Variants in IL34 observed in about 807,000 individuals in gnomAD.
IL34 encodes the protein interleukin 34.
Under a neutral mutation model 25.3 loss-of-function variants are expected in IL34, and 17 were observed. The observed-to-expected ratio is 0.67, with a 90% confidence interval of 0.46 to 1.01. The LOEUF is 1.01. IL34 is among the 50% of genes least tolerant of loss of function. The probability of loss-of-function intolerance (pLI) is 0.00; values close to 1 mark genes in which losing one functional copy is unlikely to be tolerated. For synonymous variants in IL34, 174 were observed against 140.9 expected (o/e 1.23, Z -1.66); for missense variants, 368 against 312.9 (o/e 1.18, Z -1.33).
At chr16:70,641,051 C>T (rs2051770255) in intron 1 of IL34, among the ~76,000 whole-genome samples, 1 of 152,112 alleles carries the variant, frequency 6.6e-6, no homozygotes, top group Non-Finnish European at 1.5e-5. Flanking sequence ...GCAGGCAGAT[C>T]ACTTGAGGTC....
At position 70,659,925 on chromosome 16, in the gene IL34, C is replaced by T. The variant is rs112385962; in HGVS notation, c.539-72C>T. 7,960 of 1,489,308 alleles carry T rather than the reference C, an allele frequency of 5.3e-3. 73 individuals are homozygous for T. Among genetic ancestry groups the T allele is most frequent in the African/African-American group, 0.037 (2,652 of 70,954 alleles). 92.3% of individuals were successfully genotyped at this position (1,489,308 alleles called of 1,614,324 possible). A position where few individuals can be genotyped will look rare whatever the true frequency, so the allele number is the denominator to read the frequency against. ...GGGTAGAGTGGGGGACAAGCACATG[C>T]GGCTTGGCTTAGTGGGGAGGGTGGT... is the stretch of plus-strand genomic sequence containing the variant. On this transcript the variant is annotated intron_variant, in intron 5 of 5. Coordinates refer to ENST00000288098, the MANE Select transcript of IL34 (RefSeq NM_001393494.1).
At chr16:70,637,914 C>T (rs1414857948) in intron 1 of IL34, among the ~76,000 whole-genome samples, 5 of 152,150 alleles carry the variant, frequency 3.3e-5, no homozygotes, top group Non-Finnish European at 5.9e-5. Flanking sequence ...TTGCTAACTG[C>T]TTTTCTGTGG....
At chr16:70,584,510 G>A (rs1474555721) in intron 1 of IL34, among the ~76,000 whole-genome samples, 3 of 152,178 alleles carry the variant, frequency 2.0e-5, no homozygotes, top group African/African-American at 4.8e-5. Flanking sequence ...AAAAGTCAGC[G>A]CTCTGCTGCA....
intron 1 of IL34, among the ~76,000 whole-genome samples, chr16:70,614,943 G>A (rs1045064539): frequency 6.6e-6 from 1 of 152,130 alleles, no homozygotes; most frequent in Non-Finnish European, 1.5e-5. Flanking sequence ...AAACTCATAC[G>A]GTTTCAACAT....
intron 1 of IL34, 28 bp from the exon 2 acceptor site, chr16:70,654,510 A>T: frequency 6.3e-7 from 1 of 1,587,128 alleles, no homozygotes; most frequent in Non-Finnish European, 8.6e-7. Context: ...GAGGGTGCTC[A>T]TGTGCTCTTG....
intron 4 of IL34, among the ~76,000 whole-genome samples, chr16:70,658,844 G>A (rs2052304261): frequency 6.6e-6 from 1 of 152,182 alleles, no homozygotes; most frequent in South Asian, 2.1e-4. Context: ...TCAGGCATTG[G>A]ATTTAGGGCC....
intron 1 of IL34, among the ~76,000 whole-genome samples, chr16:70,621,053 G>T (rs1205664406): frequency 1.3e-5 from 2 of 152,090 alleles, no homozygotes; most frequent in African/African-American, 4.8e-5. Flanking sequence ...ATAAGAGTTT[G>T]GGTGTGGAAA....
At chr16:70,636,609 ACACACAC>A (rs2051653134) in intron 1 of IL34, among the ~76,000 whole-genome samples, 1 of 151,272 alleles carries the variant, frequency 6.6e-6, no homozygotes, top group African/African-American at 2.4e-5. Context: ...ACACACACAC[ACACACAC>A]ACACACACAC....
intron 1 of IL34, among the ~76,000 whole-genome samples, chr16:70,626,030 A>G: frequency 6.6e-6 from 1 of 152,202 alleles, no homozygotes; most frequent in East Asian, 1.9e-4. Flanking sequence ...CGCGTCCATG[A>G]GAAGAGACCA....
At chr16:70,595,085 G>T (rs565665096) in intron 1 of IL34, among the ~76,000 whole-genome samples, 1 of 151,892 alleles carries the variant, frequency 6.6e-6, no homozygotes, top group African/African-American at 2.4e-5. Context: ...CTCCCAAGTA[G>T]CTGGGGTAAC....
At chr16:70,627,594 A>T (rs1433961662) in intron 1 of IL34, among the ~76,000 whole-genome samples, 1 of 151,782 alleles carries the variant, frequency 6.6e-6, no homozygotes, top group Non-Finnish European at 1.5e-5. Flanking sequence ...CAGTCCTCCC[A>T]AGTAGCTGGG....
intron 1 of IL34, among the ~76,000 whole-genome samples, chr16:70,650,169 C>T (rs2052043671): frequency 6.6e-6 from 1 of 152,156 alleles, no homozygotes; most frequent in Non-Finnish European, 1.5e-5. Context: ...TCAGGGGTGG[C>T]ACTGGCTGTG....
At chr16:70,588,691 G>A (rs559501416) in intron 1 of IL34, among the ~76,000 whole-genome samples, 9 of 152,254 alleles carry the variant, frequency 5.9e-5, no homozygotes, top group South Asian at 2.1e-4. Context: ...AAAATGTGCC[G>A]TAAATATACA....
At chr16:70,582,778 A>T (rs1243760944) in intron 1 of IL34, among the ~76,000 whole-genome samples, 1 of 152,226 alleles carries the variant, frequency 6.6e-6, no homozygotes, top group Non-Finnish European at 1.5e-5. Context: ...CATGCACAAG[A>T]TGCCTCTCTG....
chr16:70,626,681 C>T (rs2051401336), intron 1 of IL34, among the ~76,000 whole-genome samples: 1 of 152,148 alleles, frequency 6.6e-6, no homozygotes, highest in African/African-American at 2.4e-5. Context: ...CAGGTGTGAG[C>T]CACCACACCC....
intron 1 of IL34, among the ~76,000 whole-genome samples, chr16:70,649,753 C>G (rs753151063): frequency 5.3e-5 from 8 of 152,118 alleles, no homozygotes; most frequent in Non-Finnish European, 1.0e-4. Flanking sequence ...TCACACAGAT[C>G]TTTCTTAAGC....
At chr16:70,580,059 C>CTGCT (rs2050620432) in intron 1 of IL34, 1 of 152,306 alleles carries the variant, frequency 6.6e-6, no homozygotes, top group Admixed American at 6.5e-5. Context: ...GGTAAGAAGG[C>CTGCT]AGCAGGCTTT....
chr16:70,596,748 C>T (rs1486449446), intron 1 of IL34, among the ~76,000 whole-genome samples: 3 of 152,200 alleles, frequency 2.0e-5, no homozygotes, highest in African/African-American at 4.8e-5. Flanking sequence ...TTCATTCCCT[C>T]TTTATTAAAA....
intron 2 of IL34, 60 bp from the exon 3 acceptor site, chr16:70,656,542 T>TG (rs1232499708): frequency 1.1e-6 from 1 of 869,930 alleles, no homozygotes; most frequent in Admixed American, 1.7e-5. Context: ...TTTGGGAGGT[T>TG]GGGGAGCCTG....
Sources: allele counts gnomAD v4.1 joint callset (sites outside exome capture counted in the v4.1 genomes callset), GRCh38; gene constraint gnomAD v4.1.1; transcripts MANE v1.5; gene names NCBI Gene and HGNC (gene_info 2026-07-23, HGNC 2026-07-21).